Variants in WWP2 observed in about 807,000 individuals in gnomAD.
WWP2 encodes NEDD4-like E3 ubiquitin-protein ligase WWP2.
WWP2 carries 57 observed loss-of-function variants against 121.0 expected under a neutral mutation model. That is an observed-to-expected ratio of 0.47 (90% CI 0.38 to 0.59). The LOEUF (loss-of-function observed/expected upper bound fraction) is 0.59, where lower values mean the gene tolerates loss of function less well. WWP2 is among the 20% of genes least tolerant of loss of function. WWP2 has a pLI of 0.00. For synonymous variants in WWP2, 449 were observed against 441.3 expected, an observed-to-expected ratio of 1.02 and a Z score of -0.22; for missense variants, 962 against 1,158.9, an observed-to-expected ratio of 0.83 and a Z score of 2.47.
chr16:69,785,478 A>C (rs1018677601), intron 1 of WWP2, among the ~76,000 whole-genome samples: 7 of 152,220 alleles, frequency 4.6e-5, no homozygotes, highest in Admixed American at 3.9e-4. Context: ...GAAAATCTGC[A>C]GAACTCAATG....
chr16:69,860,867 ACT>A (rs1441314472), intron 6 of WWP2, among the ~76,000 whole-genome samples: 1 of 151,332 alleles, frequency 6.6e-6, no homozygotes, highest in Admixed American at 6.6e-5. Context: ...AAGAAAGAAC[ACT>A]CTAATATACT....
intron 8 of WWP2, among the ~76,000 whole-genome samples, chr16:69,896,148 G>A (rs765308817): frequency 2.6e-5 from 4 of 152,084 alleles, no homozygotes; most frequent in Non-Finnish European, 4.4e-5. Context: ...TGGAGACAGG[G>A]TCTCATTTTG....
intron 4 of WWP2, among the ~76,000 whole-genome samples, chr16:69,803,373 A>G (rs949703892): frequency 6.7e-6 from 1 of 150,044 alleles, no homozygotes; most frequent in Non-Finnish European, 1.5e-5. Flanking sequence ...TACATAAAAA[A>G]AACATTATCT....
intron 8 of WWP2, among the ~76,000 whole-genome samples, chr16:69,901,970 A>C (rs949419545): frequency 3.3e-5 from 5 of 152,184 alleles, no homozygotes; most frequent in African/African-American, 1.2e-4. Flanking sequence ...AAATATATAA[A>C]TAGAGAATTT....
intron 2 of WWP2, among the ~76,000 whole-genome samples, chr16:69,798,282 C>A (rs78261915): frequency 0.059 from 8,913 of 152,218 alleles, 859 homozygotes; most frequent in African/African-American, 0.2. Flanking sequence ...CAATTGCAAG[C>A]AGTCTATTCG....
intron 1 of WWP2, among the ~76,000 whole-genome samples, chr16:69,784,678 A>G: frequency 6.6e-6 from 1 of 152,230 alleles, no homozygotes; most frequent in African/African-American, 2.4e-5. Flanking sequence ...TGAAATGGGC[A>G]GTACTCCAAA....
Position 69,940,103 on chromosome 16 carries a change from G to T in WWP2, c.*163G>T. On this transcript the variant is annotated 3_prime_UTR_variant, in exon 24 of 24. Transcript: ENST00000359154. ...TGGCAGAAAAGCCTGATCCCAGGAG[G>T]CCCTGCAGTTCCCCCGACCCGCGGA... 1 of 626,182 alleles carries T rather than the reference G, an allele frequency of 1.6e-6. No homozygotes were observed. The highest frequency in any genetic ancestry group is 2.8e-6 in the Non-Finnish European group (1 of 362,396). 38.8% of individuals were successfully genotyped at this position (626,182 alleles called of 1,614,324 possible).
intron 4 of WWP2, among the ~76,000 whole-genome samples, chr16:69,830,331 C>T (rs11075739): frequency 0.38 from 58,004 of 151,934 alleles, 11,281 homozygotes; most frequent in Admixed American, 0.49. Context: ...TCAAGCCATC[C>T]TCCTGCCTCG....
At chr16:69,874,902 G>A (rs2151920943) in intron 7 of WWP2, among the ~76,000 whole-genome samples, 1 of 152,140 alleles carries the variant, frequency 6.6e-6, no homozygotes, top group African/African-American at 2.4e-5. Context: ...TGCATCTGTA[G>A]TCCCTGCTAC....
chr16:69,833,196 C>G (rs1273001187), intron 4 of WWP2, among the ~76,000 whole-genome samples: 1 of 152,364 alleles, frequency 6.6e-6, no homozygotes, highest in South Asian at 2.1e-4. Flanking sequence ...AGGAACCAAA[C>G]AAGATTGATA....
At chr16:69,939,484 G>C in intron 23 of WWP2, 71 bp downstream of exon 23, 1 of 1,523,784 alleles carries the variant, frequency 6.6e-7, no homozygotes, top group Non-Finnish European at 9.1e-7. Context: ...AGCCCAGTGG[G>C]TGTAGCAGCT....
intron 19 of WWP2, 196 bp downstream of exon 19, chr16:69,936,648 A>C: frequency 1.4e-6 from 1 of 709,596 alleles, no homozygotes; most frequent in Non-Finnish European, 2.3e-6. Flanking sequence ...TTAGTTACCG[A>C]CTCCCAGCTG....
rs2058785024 is a variant in WWP2, at chr16:69,935,585, C to A, written c.1843-268C>A. 6.6e-6 allele frequency among the ~76,000 whole-genome samples: 1 copy of A among 152,232 alleles called. No homozygotes were observed. Among genetic ancestry groups the A allele is most frequent in the South Asian group, 2.1e-4 (1 of 4,836 alleles). ...GGCCAGCGTGCGGGGCAGATGCGGG[C>A]CCGGACGTGGGTTCCCGCACCAGCT... On this transcript the variant is annotated intron_variant, in intron 17 of 23. Transcript: ENST00000359154. The surrounding 1 kb of genome is among the most constrained non-coding windows in gnomAD (Gnocchi z 5.2).
In WWP2 at chr16:69,935,630, G is replaced by A. The variant is rs548096044; in HGVS notation, c.1843-223G>A. 7.2e-5 allele frequency among the ~76,000 whole-genome samples: 11 copies of A among 152,336 alleles called. No individual in the cohort carries two copies. The South Asian group carries it at 1.5e-3, about 20-fold the overall frequency. ...CCAGCTGGCTCTGCCCAGTCCTTGCGGTCTGCAGGGCAGGGTGGGAGTCCC... is the reference window on the plus strand; with the variant it reads ...CCAGCTGGCTCTGCCCAGTCCTTGCAGTCTGCAGGGCAGGGTGGGAGTCCC... On this transcript the variant is annotated intron_variant, in intron 17 of 23. Transcript: ENST00000359154. The surrounding 1 kb of genome is among the most constrained non-coding windows in gnomAD (Gnocchi z 5.2).
At chr16:69,938,307 C>T (rs1408730248) in intron 21 of WWP2, among the ~76,000 whole-genome samples, 1 of 152,102 alleles carries the variant, frequency 6.6e-6, no homozygotes, top group African/African-American at 2.4e-5. Flanking sequence ...AGCCACTGTG[C>T]CCAACCCATT....
chr16:69,841,038 G>A (rs764334372), intron 5 of WWP2, among the ~76,000 whole-genome samples: 1 of 152,172 alleles, frequency 6.6e-6, no homozygotes, highest in Non-Finnish European at 1.5e-5. Context: ...GGGTGCTTTG[G>A]TGCTTGGAGA....
intron 4 of WWP2, among the ~76,000 whole-genome samples, chr16:69,831,518 C>T (rs1289425049): frequency 6.6e-6 from 1 of 151,892 alleles, no homozygotes; most frequent in Non-Finnish European, 1.5e-5. Context: ...TTATTAGTAC[C>T]ACATGCAAAC....
chr16:69,762,514 C>T (rs1016685470), intron 1 of WWP2, 123 bp downstream of exon 1: 2 of 149,490 alleles, frequency 1.3e-5, no homozygotes, highest in African/African-American at 4.9e-5. Flanking sequence ...GCGGCGGCTT[C>T]CTGTGGGAGG....
chr16:69,810,283 C>T (rs933862632), intron 4 of WWP2, among the ~76,000 whole-genome samples: 1 of 132,006 alleles, frequency 7.6e-6, no homozygotes, highest in African/African-American at 2.9e-5. Flanking sequence ...TCAACCTGGG[C>T]TGACTTCTCT....
Sources: gnomAD v4.1 joint callset for allele counts (sites outside exome capture counted in the v4.1 genomes callset) on GRCh38, gnomAD v4.1.1 for gene constraint, Gnocchi (gnomAD v3.1) non-coding constraint, MANE v1.5 for transcripts, NCBI Gene and HGNC (gene_info 2026-07-23, HGNC 2026-07-21) for gene names.